AHCTF1: variants seen among roughly 807,000 people sequenced by gnomAD.
The protein encoded by AHCTF1 is protein ELYS.
AHCTF1 carries 24 observed loss-of-function variants against 248.4 expected under a neutral mutation model. That is an observed-to-expected ratio of 0.10 (90% CI 0.07 to 0.14). The LOEUF is 0.14. Ranked by LOEUF, AHCTF1 falls within the 10% of genes least tolerant of loss-of-function variation. The pLI, the probability that AHCTF1 is intolerant of heterozygous loss-of-function variation, is 1.00. For missense variants in AHCTF1, 2,206 were observed against 2,636.2 expected, an observed-to-expected ratio of 0.84 and a Z score of 3.57; for synonymous variants, 786 against 929.8, an observed-to-expected ratio of 0.85 and a Z score of 2.81.
chr1:246,901,251 G>C (rs1479653723), intron 8 of AHCTF1, among the ~76,000 whole-genome samples: 1 of 152,160 alleles, frequency 6.6e-6, no homozygotes, highest in Non-Finnish European at 1.5e-5. Context: ...TGAGGTGGGA[G>C]GATCGCTTGA....
intron 15 of AHCTF1, among the ~76,000 whole-genome samples, chr1:246,891,392 T>G (rs924190892): frequency 2.0e-5 from 3 of 152,186 alleles, no homozygotes; most frequent in African/African-American, 7.2e-5. Flanking sequence ...CAAACTAGCA[T>G]AGTATCACTA....
intron 32 of AHCTF1, among the ~76,000 whole-genome samples, chr1:246,852,380 T>C (rs1041310516): frequency 2.1e-5 from 2 of 94,370 alleles, no homozygotes; most frequent in African/African-American, 6.4e-5. Context: ...GAAGAGTTGG[T>C]TTTTTATCCA....
chr1:246,876,279 T>C, intron 23 of AHCTF1, 92 bp from the exon 24 acceptor site: 1 of 1,149,320 alleles, frequency 8.7e-7, no homozygotes. Flanking sequence ...ACTATGAATA[T>C]CCAAAAAATC....
chr1:246,931,137 G>A (rs1296655479), intron 1 of AHCTF1: 93 of 1,550,050 alleles, frequency 6.0e-5, no homozygotes, highest in Non-Finnish European at 7.5e-5. Context: ...ACTGTGGCCA[G>A]GCCCAAGCGC....
intron 24 of AHCTF1, 90 bp from the exon 25 acceptor site, chr1:246,867,901 C>CCACACACACA (rs1553291132): frequency 9.6e-6 from 3 of 313,838 alleles, no homozygotes; most frequent in Admixed American, 7.1e-5. Context: ...ACCCCCCCCC[C>CCACACACACA]CACACACACA....
rs554588297 is a variant in AHCTF1, at chr1:246,877,014, T to C, written c.2873A>G (p.His958Arg). The C allele has an allele frequency of 6.2e-7, 1 of 1,612,142 alleles. No individual in the cohort carries two copies. Among genetic ancestry groups the C allele is most frequent in the African/African-American group, 1.3e-5 (1 of 74,990 alleles). The stretch of plus-strand genomic sequence containing the variant: ...AGGCACATAATTGGCACGCTGCAAA[T>C]GGTGCACTAAAAGGAATTCATGATT... ...VQNHEFLLVHHLQRANYVPAL... is the reference protein window; with the variant it reads ...VQNHEFLLVHRLQRANYVPAL... Residue 958 changes from histidine (H) to arginine (R), a missense_variant, in exon 23 of 36, where the codon CAT (histidine) becomes CGT (arginine). Transcript: ENST00000648844.
In AHCTF1 at chr1:246,849,734, G is replaced by C; in HGVS notation, c.6272C>G (p.Thr2091Ser). Residue 2091 changes from threonine to serine, a missense_variant, in exon 33 of 36, where the codon ACT becomes AGT. Thr to Ser is a moderately conservative substitution (Grantham distance 58). Coordinates refer to ENST00000648844, the MANE Select transcript of AHCTF1 (RefSeq NM_001323342.2). Reference protein sequence around the residue: ...EERLLATASFTKSSRSSRTRS... With the variant: ...EERLLATASFSKSSRSSRTRS... The stretch of plus-strand genomic sequence containing the variant: ...AGTCCTGCTGCTGCGGGATGATTTA[G>C]TGAAGGAAGCTGTGGCGAGCAATCT... The C allele has an allele frequency of 1.9e-6, 3 of 1,613,990 alleles. No individual in the cohort carries two copies. The highest frequency in any genetic ancestry group is 1.7e-6 in the Non-Finnish European group (2 of 1,179,866).
intron 2 of AHCTF1, among the ~76,000 whole-genome samples, chr1:246,917,377 A>G (rs1558277532): frequency 1.3e-5 from 2 of 152,212 alleles, no homozygotes; most frequent in African/African-American, 4.8e-5. Flanking sequence ...ATCCAAGTAC[A>G]TTAGTTGGAT....
rs114316927 is a variant in AHCTF1, at chr1:246,853,543, C to A, written c.4355-244G>T. Among the ~76,000 whole-genome samples the A allele has an allele frequency of 3.3e-3, 505 of 152,164 alleles. 3 individuals carry two copies. The highest frequency in any genetic ancestry group is 0.012 in the African/African-American group (481 of 41,496). ...ACGGTATCAGGAAACATTAATATGACGACCAACTGCTTCAAGGAAGTTCAG... is the reference window on the plus strand; with the variant it reads ...ACGGTATCAGGAAACATTAATATGAAGACCAACTGCTTCAAGGAAGTTCAG... On this transcript the variant is annotated intron_variant, in intron 31 of 35. Coordinates refer to ENST00000648844, the MANE Select transcript of AHCTF1 (RefSeq NM_001323342.2).
chr1:246,867,884 T>C lies in AHCTF1; in HGVS notation c.3089-73A>G, dbSNP rs768993508. Reference sequence around the variant, plus strand: ...AATTTAATAAAAGCATATGAAAGAATGATTACACCCCCCCCCCCACACACA... The same window carrying C: ...AATTTAATAAAAGCATATGAAAGAACGATTACACCCCCCCCCCCACACACA... On this transcript the variant is annotated intron_variant, in intron 24 of 35. Coordinates refer to ENST00000648844, the MANE Select transcript of AHCTF1 (RefSeq NM_001323342.2). The C allele has an allele frequency of 2.5e-3, 2,132 of 869,930 alleles. 12 individuals are homozygous for C. Among genetic ancestry groups the C allele is most frequent in the Non-Finnish European group, 3.2e-3 (2,001 of 628,810 alleles). The allele number at this position is 869,930 out of a possible 1,614,324, so 53.9% of individuals were successfully genotyped here.
chr1:246,851,488 T>G, intron 32 of AHCTF1, 46 bp from the exon 33 acceptor site: 1 of 1,505,398 alleles, frequency 6.6e-7, no homozygotes, highest in Non-Finnish European at 8.9e-7. Flanking sequence ...TTTTAATACA[T>G]GTTTTAACTT....
At chr1:246,857,836 A>T (rs41310593) in intron 29 of AHCTF1, 22 bp from the exon 30 acceptor site, 84,509 of 1,569,696 alleles carry the variant, frequency 0.054, 2,678 homozygotes, top group Non-Finnish European at 0.061. Context: ...ACAAATAAGA[A>T]TATTATTTAT....
At chr1:246,858,263 C>T (rs1021906907) in intron 29 of AHCTF1, among the ~76,000 whole-genome samples, 3 of 151,940 alleles carry the variant, frequency 2.0e-5, no homozygotes, top group African/African-American at 7.3e-5. Flanking sequence ...CCGGCCAACA[C>T]CTTCTTCTTC....
intron 3 of AHCTF1, 97 bp downstream of exon 3, chr1:246,916,045 T>G (rs1025782783): frequency 7.4e-7 from 1 of 1,357,186 alleles, no homozygotes; most frequent in Admixed American, 2.4e-5. Context: ...TTGTAAATGT[T>G]GCGGGTCAGT....
intron 21 of AHCTF1, among the ~76,000 whole-genome samples, chr1:246,879,289 CTG>C (rs1244817806): frequency 6.6e-6 from 1 of 152,104 alleles, no homozygotes; most frequent in East Asian, 1.9e-4. Flanking sequence ...ATCTGGTACA[CTG>C]TGTTGATAAA....
intron 34 of AHCTF1, among the ~76,000 whole-genome samples, chr1:246,843,187 C>T (rs1454664820): frequency 2.0e-5 from 3 of 152,240 alleles, no homozygotes; most frequent in Non-Finnish European, 4.4e-5. Flanking sequence ...ATCTGCCTGC[C>T]ATTGCCATGC....
At chr1:246,855,988 AG>A (rs1661086726) in intron 30 of AHCTF1, among the ~76,000 whole-genome samples, 161 bp from the exon 31 acceptor site, 1 of 152,242 alleles carries the variant, frequency 6.6e-6, no homozygotes, top group South Asian at 2.1e-4. Flanking sequence ...AAAATTTAAA[AG>A]TGAATTCAGA....
chr1:246,878,396 C>CAAAAAAAAAAAAAAAAAAAAAAAAAA (rs1199465751), intron 21 of AHCTF1, among the ~76,000 whole-genome samples: 1 of 30,784 alleles, frequency 3.2e-5, no homozygotes, highest in Non-Finnish European at 5.8e-5. Context: ...GATTCTGTCT[C>CAAAAAAAAAAAAAAAAAAAAAAAAAA]AAAAAAAAAA....
At chr1:246,856,392 A>T (rs1661112257) in intron 30 of AHCTF1, among the ~76,000 whole-genome samples, 2 of 152,252 alleles carry the variant, frequency 1.3e-5, no homozygotes, top group Non-Finnish European at 2.9e-5. Flanking sequence ...AACAAATAGT[A>T]TTTGAAAGTA....
Sources: allele counts gnomAD v4.1 joint callset (sites outside exome capture counted in the v4.1 genomes callset), GRCh38; gene constraint gnomAD v4.1.1; transcripts MANE v1.5; gene names NCBI Gene and HGNC (gene_info 2026-07-23, HGNC 2026-07-21).